OLFM3: variants seen among roughly 807,000 people sequenced by gnomAD.
OLFM3 encodes the protein olfactomedin 3.
A neutral mutation model predicts 48.6 loss-of-function variants in OLFM3; 20 were observed. That is an observed-to-expected ratio of 0.41 (90% CI 0.29 to 0.60). The LOEUF (loss-of-function observed/expected upper bound fraction) is 0.60, where lower values mean the gene tolerates loss of function less well. Among genes scored for constraint, OLFM3 ranks in the 20% least tolerant of loss-of-function variants. The pLI is 0.28. For missense variants in OLFM3, 437 were observed against 544.3 expected, an observed-to-expected ratio of 0.80 and a Z score of 1.96; for synonymous variants, 222 against 198.1, an observed-to-expected ratio of 1.12 and a Z score of -1.01.
At chr1:101,805,124 C>G (rs1392173452) in intron 5 of OLFM3, among the ~76,000 whole-genome samples, 1 of 151,804 alleles carries the variant, frequency 6.6e-6, no homozygotes, top group East Asian at 1.9e-4. Context: ...ACTGAATTTA[C>G]TACCTTGACA....
rs1218320534 is a variant in OLFM3 at position 101,803,645 on chromosome 1, T to C, written c.*593A>G. 1.3e-5 allele frequency: 2 copies of C among 152,182 alleles called. No individual in the cohort carries two copies. Among genetic ancestry groups the C allele is most frequent in the African/African-American group, 4.8e-5 (2 of 41,370 alleles). The allele number at this position is 152,182 out of a possible 1,614,324, so 9.4% of individuals were successfully genotyped here. On this transcript the variant is annotated 3_prime_UTR_variant, in exon 6 of 6. Transcript: ENST00000370103. ...GAAGTGAAGAGATACAATAGCACAATGGTGGTTACAATGGTAGAAATACAT... is the reference window on the plus strand; with the variant it reads ...GAAGTGAAGAGATACAATAGCACAACGGTGGTTACAATGGTAGAAATACAT...
chr1:101,813,358 T>G (rs1654164041), intron 4 of OLFM3, among the ~76,000 whole-genome samples: 1 of 152,180 alleles, frequency 6.6e-6, no homozygotes, highest in Non-Finnish European at 1.5e-5. Context: ...TTGCCTCTAC[T>G]CTTCTTCCAC....
chr1:101,877,064 G>A (rs1026106583), intron 1 of OLFM3, among the ~76,000 whole-genome samples: 1 of 151,992 alleles, frequency 6.6e-6, no homozygotes, highest in African/African-American at 2.4e-5. Flanking sequence ...AAGAACAAAT[G>A]AGCTTACATA....
intron 2 of OLFM3, among the ~76,000 whole-genome samples, chr1:101,832,924 CA>C (rs1187294912): frequency 2.0e-5 from 3 of 152,066 alleles, no homozygotes; most frequent in African/African-American, 7.2e-5. Flanking sequence ...TGGATAAATG[CA>C]ATGCTTTCAA....
At chr1:101,891,822 T>C (rs943145579) in intron 1 of OLFM3, among the ~76,000 whole-genome samples, 1 of 152,024 alleles carries the variant, frequency 6.6e-6, no homozygotes, top group African/African-American at 2.4e-5. Context: ...TTATTTACCA[T>C]GAAAATCATA....
intron 1 of OLFM3, among the ~76,000 whole-genome samples, chr1:101,841,890 G>A (rs1483292510): frequency 6.6e-6 from 1 of 152,212 alleles, no homozygotes; most frequent in Admixed American, 6.5e-5. Flanking sequence ...GATTTAGAGT[G>A]GAGATACCTG....
chr1:101,869,409 G>A (rs1279147082), intron 1 of OLFM3, among the ~76,000 whole-genome samples: 2 of 152,182 alleles, frequency 1.3e-5, no homozygotes, highest in East Asian at 3.8e-4. Context: ...TGGAATGAGA[G>A]TATTTACCCA....
intron 1 of OLFM3, among the ~76,000 whole-genome samples, chr1:101,838,698 T>A (rs1655560160): frequency 2.0e-5 from 3 of 152,156 alleles, no homozygotes; most frequent in African/African-American, 7.2e-5. Flanking sequence ...CAGGCTGGTC[T>A]CAGACTCCTG....
chr1:101,870,966 A>G (rs1657059019), intron 1 of OLFM3, among the ~76,000 whole-genome samples: 1 of 151,928 alleles, frequency 6.6e-6, no homozygotes, highest in East Asian at 1.9e-4. Flanking sequence ...AAAAAAAAGA[A>G]AAAAAGAAAA....
At chr1:101,978,690 A>G (rs1026747145) in intron 1 of OLFM3, among the ~76,000 whole-genome samples, 2 of 152,208 alleles carry the variant, frequency 1.3e-5, no homozygotes, top group African/African-American at 4.8e-5. Flanking sequence ...AAACATATAT[A>G]TGCTCACACA....
At chr1:101,925,550 G>T (rs1363980155) in intron 1 of OLFM3, among the ~76,000 whole-genome samples, 1 of 151,764 alleles carries the variant, frequency 6.6e-6, no homozygotes, top group Non-Finnish European at 1.5e-5. Context: ...ACAGGATCTT[G>T]CTCTGTCACC....
chr1:101,952,525 A>G (rs1363662720), intron 1 of OLFM3, among the ~76,000 whole-genome samples: 1 of 152,124 alleles, frequency 6.6e-6, no homozygotes, highest in African/African-American at 2.4e-5. Context: ...AATAAGAAAA[A>G]GAGATGTAGT....
chr1:101,990,424 T>C (rs1042381911), intron 1 of OLFM3, among the ~76,000 whole-genome samples: 1 of 152,218 alleles, frequency 6.6e-6, no homozygotes, highest in Non-Finnish European at 1.5e-5. Flanking sequence ...GTAAGTGGAA[T>C]ATTTGCACTA....
At chr1:101,843,132 G>T (rs1304755880) in intron 1 of OLFM3, among the ~76,000 whole-genome samples, 1 of 152,178 alleles carries the variant, frequency 6.6e-6, no homozygotes, top group Non-Finnish European at 1.5e-5. Flanking sequence ...CATTTCAGGG[G>T]ATTCTACTCA....
chr1:101,875,040 C>A (rs574903887), intron 1 of OLFM3, among the ~76,000 whole-genome samples: 33 of 151,976 alleles, frequency 2.2e-4, no homozygotes, highest in Admixed American at 1.6e-3. Context: ...TTATTTCTGA[C>A]CTCATAGTCC....
intron 1 of OLFM3, among the ~76,000 whole-genome samples, chr1:101,926,900 G>A (rs946282233): frequency 6.6e-6 from 1 of 152,220 alleles, no homozygotes; most frequent in African/African-American, 2.4e-5. Flanking sequence ...TTCTAAAAAA[G>A]AAGTCCCTTA....
At chr1:101,911,312 A>G (rs1431381265) in intron 1 of OLFM3, among the ~76,000 whole-genome samples, 2 of 152,172 alleles carry the variant, frequency 1.3e-5, no homozygotes, top group African/African-American at 4.8e-5. Context: ...AAGTAATGAG[A>G]ATTTAAAATG....
chr1:101,956,674 A>G (rs1355543939), intron 1 of OLFM3, among the ~76,000 whole-genome samples: 1 of 151,896 alleles, frequency 6.6e-6, no homozygotes, highest in Non-Finnish European at 1.5e-5. Flanking sequence ...ATCTAGACTT[A>G]CTATAATGTC....
intron 1 of OLFM3, among the ~76,000 whole-genome samples, chr1:101,903,119 A>G (rs1570615821): frequency 1.3e-5 from 2 of 152,228 alleles, no homozygotes; most frequent in East Asian, 3.9e-4. Context: ...GGAAACAAGC[A>G]TTATAGAAGG....
Sources: allele counts gnomAD v4.1 joint callset (sites outside exome capture counted in the v4.1 genomes callset), GRCh38; gene constraint gnomAD v4.1.1; transcripts MANE v1.5; gene names NCBI Gene and HGNC (gene_info 2026-07-23, HGNC 2026-07-21).